Variants in CHD1L observed in about 807,000 individuals in gnomAD.
CHD1L encodes chromodomain helicase DNA binding protein 1 like.
Under a neutral mutation model 115.9 loss-of-function variants are expected in CHD1L, and 118 were observed. The observed-to-expected ratio is 1.02, with a 90% CI of 0.88 to 1.19. CHD1L has a LOEUF of 1.19. Among genes scored for constraint, CHD1L ranks in the 50% most tolerant of loss-of-function variants. The probability of loss-of-function intolerance (pLI) is 0.00; values close to 1 mark genes in which losing one functional copy is unlikely to be tolerated. For missense variants in CHD1L, 1,179 were observed against 1,065.3 expected (o/e 1.11, Z -1.49); for synonymous variants, 411 against 387.1 (o/e 1.06, Z -0.72).
In CHD1L at chr1:147,294,390, G is replaced by A. The variant is rs1559921120; in HGVS notation, c.2507-19G>A. On this transcript the variant is annotated intron_variant, in intron 21 of 22. Transcript: ENST00000369258. The stretch of plus-strand genomic sequence containing the variant: ...CAATTTTTGATGAGTGAAGACATGT[G>A]TTCTTCTCTTCATAATAGCAAGTGT... 4.5e-6 allele frequency: 7 copies of A among 1,570,310 alleles called. No homozygotes were observed. The highest frequency in any genetic ancestry group is 2.3e-5 in the East Asian group (1 of 44,078).
chr1:147,279,891 G>A (rs975414783), intron 14 of CHD1L, 135 bp from the exon 15 acceptor site: 10 of 791,980 alleles, frequency 1.3e-5, no homozygotes, highest in Non-Finnish European at 2.1e-5. Context: ...TATCTATGAT[G>A]GGGAGAGCAG....
intron 16 of CHD1L, 32 bp downstream of exon 16, chr1:147,284,531 C>CT: frequency 6.6e-7 from 1 of 1,506,846 alleles, no homozygotes; most frequent in Non-Finnish European, 8.8e-7. Context: ...AAAAGTTGTT[C>CT]TTCCAAACTC....
the CHD1L span, chr1:147,204,870 G>C: frequency 4.7e-4 from 745 of 1,594,470 alleles, 3 homozygotes; most frequent in South Asian, 2.6e-3. Context: ...ATTCTGAAAA[G>C]TGTTTCGCTC....
chr1:147,275,189 G>A (rs112433094), intron 12 of CHD1L, among the ~76,000 whole-genome samples, 165 bp from the exon 13 acceptor site: 5 of 152,168 alleles, frequency 3.3e-5, no homozygotes, highest in Admixed American at 2.0e-4. Flanking sequence ...ACTTCTCACC[G>A]CTGGAACAAG....
At chr1:147,172,918 G>A in the CHD1L span, 1 of 152,356 alleles carries the variant, frequency 6.6e-6, no homozygotes. Flanking sequence ...TGTGTTAGGC[G>A]ACCGGAGAGG....
the CHD1L span, among the ~76,000 whole-genome samples, chr1:147,188,763 T>TAA: frequency 7.1e-6 from 1 of 140,458 alleles, no homozygotes. Flanking sequence ...TTTCAGAAGT[T>TAA]AAAAAAAAAA....
the CHD1L span, among the ~76,000 whole-genome samples, chr1:147,229,592 C>T: frequency 6.6e-6 from 1 of 152,122 alleles, no homozygotes; most frequent in African/African-American, 2.4e-5. Flanking sequence ...CTATAAATTA[C>T]CTTGGGCAGT....
chr1:147,236,777 G>C, the CHD1L span, among the ~76,000 whole-genome samples: 1 of 152,154 alleles, frequency 6.6e-6, no homozygotes, highest in East Asian at 1.9e-4. Flanking sequence ...TCTCAAGTCT[G>C]GCTGAGTCTG....
chr1:147,272,305 A>C, intron 12 of CHD1L, 24 bp downstream of exon 12: 1 of 1,487,210 alleles, frequency 6.7e-7, no homozygotes, highest in Non-Finnish European at 9.4e-7. Context: ...GCATTGATGG[A>C]AACAGACAAA....
At chr1:147,217,861 C>T in the CHD1L span, among the ~76,000 whole-genome samples, 1 of 152,136 alleles carries the variant, frequency 6.6e-6, no homozygotes, top group Admixed American at 6.6e-5. Flanking sequence ...GTAGTGTATT[C>T]CTTATCTCTC....
the CHD1L span, chr1:147,215,646 T>A: frequency 1.3e-6 from 1 of 752,438 alleles, no homozygotes; most frequent in Non-Finnish European, 2.2e-6. Flanking sequence ...GATAAATACA[T>A]GTGCAAATCA....
intron 22 of CHD1L, 31 bp from the exon 23 acceptor site, chr1:147,295,400 G>T: frequency 1.4e-6 from 2 of 1,474,722 alleles, no homozygotes; most frequent in East Asian, 2.3e-5. Flanking sequence ...TTAAAGTGAT[G>T]ACATGTATCT....
At chr1:147,213,411 C>T in the CHD1L span, 1 of 1,613,596 alleles carries the variant, frequency 6.2e-7, no homozygotes, top group Non-Finnish European at 8.5e-7. Context: ...ATTCAGTGAC[C>T]ACTTCCCATT....
intron 1 of CHD1L, among the ~76,000 whole-genome samples, chr1:147,244,344 T>C (rs1188395786): frequency 6.6e-6 from 1 of 152,144 alleles, no homozygotes; most frequent in Non-Finnish European, 1.5e-5. Flanking sequence ...GATAAATTGG[T>C]AGTGGAGAAG....
At chr1:147,178,627 C>T in the CHD1L span, 1 of 1,594,620 alleles carries the variant, frequency 6.3e-7, no homozygotes, top group Non-Finnish European at 8.6e-7. Flanking sequence ...CTCCGAGTTC[C>T]TAAAAGCAGC....
chr1:147,237,517 T>A, the CHD1L span, among the ~76,000 whole-genome samples: 1 of 152,144 alleles, frequency 6.6e-6, no homozygotes, highest in Non-Finnish European at 1.5e-5. Flanking sequence ...CAGCTGTACC[T>A]GGGGAGCAGG....
In CHD1L at chr1:147,277,897, C is replaced by A. The variant is rs372837690; in HGVS notation, c.1539+1640C>A. On this transcript the variant is annotated intron_variant, in intron 14 of 22. Transcript: ENST00000369258. ...GGATGTCATAGGTTGTTTGCACTCT[C>A]CCAGTGGAGGGAGCGCCAGGGGTCC... Among the ~76,000 whole-genome samples, 17 of 152,220 alleles carry A rather than the reference C, an allele frequency of 1.1e-4. No individual in the cohort carries two copies. The East Asian group carries it at 3.3e-3, about 29-fold the overall frequency.
At chr1:147,197,135 A>C in the CHD1L span, among the ~76,000 whole-genome samples, 1 of 152,096 alleles carries the variant, frequency 6.6e-6, no homozygotes, top group African/African-American at 2.4e-5. Flanking sequence ...TTCCTATAAC[A>C]CTTTACCAGC....
the CHD1L span, among the ~76,000 whole-genome samples, chr1:147,188,200 T>C: frequency 6.6e-6 from 1 of 152,148 alleles, no homozygotes; most frequent in African/African-American, 2.4e-5. Context: ...CATGCATTTA[T>C]TTATCCTATA....
Sources: allele counts gnomAD v4.1 joint callset (sites outside exome capture counted in the v4.1 genomes callset), GRCh38; gene constraint gnomAD v4.1.1; transcripts MANE v1.5; gene names NCBI Gene and HGNC (gene_info 2026-07-23, HGNC 2026-07-21).